NEK4: variants seen among roughly 807,000 people sequenced by gnomAD.
The protein encoded by NEK4 is NIMA related kinase 4.
In NEK4, 86 loss-of-function variants were observed where a neutral mutation model predicts 98.4. That is an observed-to-expected ratio of 0.87 (90% CI 0.73 to 1.05). The LOEUF is 1.05. Ranked by LOEUF, NEK4 falls within the 50% of genes least tolerant of loss-of-function variation. The pLI is 0.00. For synonymous variants in NEK4, 328 were observed against 342.2 expected (o/e 0.96, Z 0.46); for missense variants, 898 against 950.3 (o/e 0.94, Z 0.72).
chr3:52,726,192 T>C, intron 15 of NEK4, among the ~76,000 whole-genome samples: 1 of 152,166 alleles, frequency 6.6e-6, no homozygotes, highest in East Asian at 1.9e-4. Context: ...CAAATGAGGA[T>C]ATTGATGGTT....
At chr3:52,751,870 T>C in intron 7 of NEK4, 62 bp downstream of exon 7, 3 of 1,462,776 alleles carry the variant, frequency 2.1e-6, no homozygotes, top group Non-Finnish European at 2.8e-6. Context: ...AACCCACATA[T>C]TTGTAACTGC....
intron 15 of NEK4, among the ~76,000 whole-genome samples, chr3:52,720,101 G>A (rs546270462): frequency 6.6e-6 from 1 of 152,110 alleles, no homozygotes; most frequent in Admixed American, 6.5e-5. Context: ...TGGCCAACAT[G>A]GTGAACCCCC....
chr3:52,711,822 C>CA lies in NEK4; in HGVS notation c.2480dup (p.Lys828GlufsTer9). Reference sequence around the variant, plus strand: ...CAAAAAATTTCAACTGGCGAGCTTTCACACTGTAAGTTGTATACTTTTCAC... The same window carrying CA: ...CAAAAAATTTCAACTGGCGAGCTTTCAACACTGTAAGTTGTATACTTTTCAC... On this transcript the variant is annotated frameshift_variant, in exon 16 of 16. Transcript: ENST00000233027. LOFTEE classifies it high-confidence loss of function. 1 of 1,611,308 alleles carries CA rather than the reference C, an allele frequency of 6.2e-7. No individual in the cohort carries two copies. The highest frequency in any genetic ancestry group is 1.1e-5 in the South Asian group (1 of 90,526).
At chr3:52,770,445 GA>G (rs931200924) in intron 1 of NEK4, among the ~76,000 whole-genome samples, 86 of 150,658 alleles carry the variant, frequency 5.7e-4, no homozygotes, top group Middle Eastern at 6.8e-3. Flanking sequence ...AAATTAAAAG[GA>G]AAAAAATTTA....
chr3:52,750,923 T>C (rs750698981), intron 7 of NEK4, among the ~76,000 whole-genome samples: 2 of 152,132 alleles, frequency 1.3e-5, no homozygotes, highest in Non-Finnish European at 2.9e-5. Flanking sequence ...AGAGACCCTG[T>C]CTCAAAAAAT....
intron 1 of NEK4, among the ~76,000 whole-genome samples, chr3:52,768,823 A>C (rs1698675882): frequency 6.6e-6 from 1 of 152,156 alleles, no homozygotes; most frequent in Admixed American, 6.5e-5. Context: ...AGGGCCACAA[A>C]AATTACCTTT....
At chr3:52,734,452 C>CAAAAA (rs76013023) in intron 15 of NEK4, among the ~76,000 whole-genome samples, 17 of 100,614 alleles carry the variant, frequency 1.7e-4, no homozygotes, top group Admixed American at 2.3e-4. Context: ...GACTCCAACT[C>CAAAAA]AAAAAAAAAA....
chr3:52,724,263 A>ACACACACACAC (rs1553914988), intron 15 of NEK4, among the ~76,000 whole-genome samples: 10 of 151,518 alleles, frequency 6.6e-5, no homozygotes, highest in South Asian at 4.2e-4. Flanking sequence ...ACACACACAC[A>ACACACACACAC]AAACTGTCAA....
chr3:52,750,924 C>G (rs1386600899), intron 7 of NEK4, among the ~76,000 whole-genome samples: 1 of 152,078 alleles, frequency 6.6e-6, no homozygotes, highest in African/African-American at 2.4e-5. Flanking sequence ...GAGACCCTGT[C>G]TCAAAAAATT....
At chr3:52,716,305 A>G (rs2097355102) in intron 15 of NEK4, among the ~76,000 whole-genome samples, 1 of 152,168 alleles carries the variant, frequency 6.6e-6, no homozygotes, top group South Asian at 2.1e-4. Context: ...TGACACCCCA[A>G]AGATCTCATA....
At chr3:52,757,686 A>G (rs1406650117) in intron 6 of NEK4, among the ~76,000 whole-genome samples, 1 of 152,264 alleles carries the variant, frequency 6.6e-6, no homozygotes, top group African/African-American at 2.4e-5. Context: ...CAGATGAACC[A>G]GATAAACAAA....
In NEK4 at chr3:52,743,533, A is replaced by G. The variant is rs945224147; in HGVS notation, c.1895-72T>C. On this transcript the variant is annotated intron_variant, in intron 11 of 15. Coordinates refer to ENST00000233027, the MANE Select transcript of NEK4 (RefSeq NM_003157.6). ...AGTTGAAAAGGGCTTTGTATTTGGT[A>G]TGGAACATACCCCAGCAGGAGCTAG... 2.5e-6 allele frequency: 3 copies of G among 1,177,304 alleles called. No individual in the cohort carries two copies. In the Admixed American group the frequency reaches 5.1e-5, roughly 20 times the overall value. The allele number at this position is 1,177,304 out of a possible 1,614,324, so 72.9% of individuals were successfully genotyped here.
chr3:52,744,127 C>T (rs112451475), intron 11 of NEK4, 112 bp downstream of exon 11: 4 of 771,878 alleles, frequency 5.2e-6, no homozygotes, highest in African/African-American at 1.7e-5. Flanking sequence ...CGATTTCCTA[C>T]ATGTTTTACT....
rs750800772 is a variant in NEK4 at position 52,746,886 on chromosome 3, A to C, written c.1525T>G (p.Cys509Gly). 36 of 1,613,220 alleles carry C rather than the reference A, an allele frequency of 2.2e-5. No homozygotes were observed. The highest frequency in any genetic ancestry group is 1.2e-4 in the African/African-American group (9 of 74,920). ...HHAQDQVAGE[C>G]IIEKQGRIHP... ...ATTCTGCCCTGTTTTTCTATAATAC[A>C]TTCACCAGCAACTTGATCCTTAAAA... is the stretch of plus-strand genomic sequence containing the variant. The change falls in exon 9 of 16, where the codon TGT (cysteine) becomes GGT (glycine). Residue 509 changes from cysteine (C) to glycine (G), a missense_variant. Coordinates refer to ENST00000233027, the MANE Select transcript of NEK4 (RefSeq NM_003157.6).
intron 15 of NEK4, among the ~76,000 whole-genome samples, chr3:52,723,646 A>C (rs984805437): frequency 1.6e-4 from 24 of 152,204 alleles, no homozygotes; most frequent in African/African-American, 2.4e-5. Context: ...AGGATAATTA[A>C]AAGTATCAAG....
In NEK4 at chr3:52,741,116, G is replaced by A. The variant is rs183267927; in HGVS notation, c.2093+295C>T. 6.9e-3 allele frequency among the ~76,000 whole-genome samples: 1,044 copies of A among 151,768 alleles called. 2 individuals carry two copies. The highest frequency in any genetic ancestry group is 1.0e-2 in the Non-Finnish European group (676 of 67,932). Reference sequence around the variant, plus strand: ...CCGGGCATGGTGGCGGACGCCTGTGGTCCCAGCTACTTGGGAGGCTGAGTC... The same window carrying A: ...CCGGGCATGGTGGCGGACGCCTGTGATCCCAGCTACTTGGGAGGCTGAGTC... On this transcript the variant is annotated intron_variant, in intron 13 of 15. Coordinates refer to ENST00000233027, the MANE Select transcript of NEK4 (RefSeq NM_003157.6).
chr3:52,727,519 A>C (rs2097365628), intron 15 of NEK4, among the ~76,000 whole-genome samples: 2 of 152,358 alleles, frequency 1.3e-5, no homozygotes, highest in South Asian at 4.1e-4. Flanking sequence ...GGAGTCACCC[A>C]GGCTGGAGTG....
intron 15 of NEK4, among the ~76,000 whole-genome samples, chr3:52,716,656 T>A (rs992542431): frequency 6.6e-6 from 1 of 152,238 alleles, no homozygotes; most frequent in Non-Finnish European, 1.5e-5. Flanking sequence ...TCTCCTCTGC[T>A]TCACTCATTA....
chr3:52,756,877 A>G (rs569745029), intron 6 of NEK4, among the ~76,000 whole-genome samples: 18 of 152,338 alleles, frequency 1.2e-4, no homozygotes, highest in African/African-American at 3.6e-4. Context: ...CATCCTGAAT[A>G]TATGGAGAAC....
Sources: allele counts gnomAD v4.1 joint callset (sites outside exome capture counted in the v4.1 genomes callset), GRCh38; gene constraint gnomAD v4.1.1; transcripts MANE v1.5; gene names NCBI Gene and HGNC (gene_info 2026-07-23, HGNC 2026-07-21).